DNAJC11: variants seen among roughly 807,000 people sequenced by gnomAD.
DNAJC11 encodes DnaJ heat shock protein family (Hsp40) member C11, also known as dnaJ homolog subfamily C member 11.
In DNAJC11, 15 loss-of-function variants were observed where a neutral mutation model predicts 78.6. The ratio of observed to expected loss-of-function variants is 0.19; its 90% CI spans 0.13 to 0.29. The LOEUF (loss-of-function observed/expected upper bound fraction) is 0.29, where lower values mean the gene tolerates loss of function less well. DNAJC11 is among the 10% of genes least tolerant of loss of function. The pLI, the probability that DNAJC11 is intolerant of heterozygous loss-of-function variation, is 1.00. For missense variants in DNAJC11, 547 were observed against 709.6 expected, an observed-to-expected ratio of 0.77 and a Z score of 2.60; for synonymous variants, 292 against 272.1, an observed-to-expected ratio of 1.07 and a Z score of -0.72.
At chr1:6,656,651 G>A (rs1642130703) in intron 4 of DNAJC11, among the ~76,000 whole-genome samples, 1 of 151,632 alleles carries the variant, frequency 6.6e-6, no homozygotes, top group Non-Finnish European at 1.5e-5. Flanking sequence ...GGCTGAGGTG[G>A]AGGGATTGCT....
chr1:6,641,391 ATAT>A (rs1205701571), intron 10 of DNAJC11, among the ~76,000 whole-genome samples: 1 of 127,870 alleles, frequency 7.8e-6, no homozygotes, highest in African/African-American at 3.0e-5. Context: ...AAAAAAAAAA[ATAT>A]ATATATATAT....
Position 6,636,208 on chromosome 1 carries a change from T to C in DNAJC11, c.1563A>G (p.Glu521=). Residue 521 remains glutamate (E), a synonymous_variant, in exon 15 of 16, where the codon GAA becomes GAG. Transcript: ENST00000377577. The part of the protein sequence containing the change: ...LPGFYDPCVG[E]EKNLKVLYQF... ...GATAGAGCACTTTCAGGTTCTTCTCTTCCCCCACACACGGGTCATAAAAGC... is the reference window on the plus strand; with the variant it reads ...GATAGAGCACTTTCAGGTTCTTCTCCTCCCCCACACACGGGTCATAAAAGC... 6.2e-7 allele frequency: 1 copy of C among 1,614,104 alleles called. No individual in the cohort carries two copies. Among genetic ancestry groups the C allele is most frequent in the Non-Finnish European group, 8.5e-7 (1 of 1,180,020 alleles).
chr1:6,673,960 C>T (rs771395089), intron 3 of DNAJC11, among the ~76,000 whole-genome samples: 5 of 152,112 alleles, frequency 3.3e-5, no homozygotes, highest in Admixed American at 2.0e-4. Flanking sequence ...TGATCTGGGC[C>T]GAAGGATGCA....
chr1:6,668,034 GTTTTCA>G lies in DNAJC11; in HGVS notation c.277-230_277-225del, dbSNP rs569858786. On this transcript the variant is annotated intron_variant, in intron 3 of 15. Coordinates refer to ENST00000377577, the MANE Select transcript of DNAJC11 (RefSeq NM_018198.4). Reference sequence around the variant, plus strand: ...CTGGCCCTTCCCAAGGTTGAAATGAGTTTTCACTCAGCTCTCCAGAGTGACTTAAAC... The same window carrying G: ...CTGGCCCTTCCCAAGGTTGAAATGAGCTCAGCTCTCCAGAGTGACTTAAAC... 200 of 525,788 alleles carry G rather than the reference GTTTTCA, an allele frequency of 3.8e-4. 3 individuals carry two copies. The South Asian group carries it at 5.8e-3, about 15-fold the overall frequency. The allele number at this position is 525,788 out of a possible 1,614,324, so 32.6% of individuals were successfully genotyped here.
intron 4 of DNAJC11, among the ~76,000 whole-genome samples, chr1:6,662,393 C>T (rs1378428350): frequency 2.6e-5 from 4 of 152,012 alleles, no homozygotes; most frequent in Non-Finnish European, 5.9e-5. Flanking sequence ...GGGGTTTCAC[C>T]ATGTTGGTCA....
intron 1 of DNAJC11, 61 bp downstream of exon 1, chr1:6,701,668 C>T (rs1642931694): frequency 1.4e-6 from 2 of 1,466,412 alleles, no homozygotes; most frequent in African/African-American, 1.5e-5. Flanking sequence ...ACCGCCAGCC[C>T]GGCCCTCCCG....
At chr1:6,649,181 A>G (rs1392464381) in intron 7 of DNAJC11, among the ~76,000 whole-genome samples, 3 of 146,774 alleles carry the variant, frequency 2.0e-5, no homozygotes, top group African/African-American at 5.0e-5. Context: ...GTCTGGAAGC[A>G]CTGCTTTTTT....
chr1:6,647,423 G>A (rs1304248567), intron 7 of DNAJC11, among the ~76,000 whole-genome samples: 5 of 152,136 alleles, frequency 3.3e-5, no homozygotes, highest in Non-Finnish European at 7.3e-5. Flanking sequence ...TTATTCGGCC[G>A]TAACTCCATC....
chr1:6,684,572 T>C (rs1202684382), intron 1 of DNAJC11, among the ~76,000 whole-genome samples: 2 of 152,228 alleles, frequency 1.3e-5, no homozygotes, highest in Non-Finnish European at 2.9e-5. Flanking sequence ...ATAAATGGCT[T>C]AATATGCTAT....
intron 1 of DNAJC11, among the ~76,000 whole-genome samples, chr1:6,682,325 A>G (rs1642567630): frequency 6.6e-6 from 1 of 152,124 alleles, no homozygotes; most frequent in African/African-American, 2.4e-5. Context: ...TATTTTCTAC[A>G]GGATTAAGTT....
At chr1:6,663,920 C>T (rs1483829823) in intron 4 of DNAJC11, among the ~76,000 whole-genome samples, 1 of 152,186 alleles carries the variant, frequency 6.6e-6, no homozygotes, top group Non-Finnish European at 1.5e-5. Flanking sequence ...TGATCAAGGG[C>T]ACAGACAGGA....
At chr1:6,637,603 C>G in intron 12 of DNAJC11, 99 bp from the exon 13 acceptor site, 1 of 1,370,650 alleles carries the variant, frequency 7.3e-7, no homozygotes, top group Non-Finnish European at 1.0e-6. Flanking sequence ...CGTCAACATA[C>G]TTGCTCAGGG....
At chr1:6,663,510 C>T (rs968535844) in intron 4 of DNAJC11, among the ~76,000 whole-genome samples, 1 of 152,180 alleles carries the variant, frequency 6.6e-6, no homozygotes, top group Non-Finnish European at 1.5e-5. Flanking sequence ...CAACACAGAA[C>T]GACACTGTTA....
At chr1:6,667,205 G>A (rs1366721890) in intron 4 of DNAJC11, among the ~76,000 whole-genome samples, 3 of 152,200 alleles carry the variant, frequency 2.0e-5, no homozygotes, top group Non-Finnish European at 4.4e-5. Flanking sequence ...GGTGATGTGA[G>A]CAGGGACTTC....
rs993817494 is a variant in DNAJC11, at chr1:6,677,465, A to T, written c.276+929T>A. ...GCGCCACCAAGCCCGACTAATTTTT[A>T]AAAAAATGTTTTGTAGAGACAGGGT... On this transcript the variant is annotated intron_variant, in intron 3 of 15. Transcript: ENST00000377577. Among the ~76,000 whole-genome samples the T allele has an allele frequency of 9.9e-5, 15 of 151,724 alleles. No individual in the cohort carries two copies. In the South Asian group the frequency reaches 1.7e-3, roughly 17 times the overall value.
chr1:6,644,933 ACACACGTAGATATT>A, intron 9 of DNAJC11, 94 bp downstream of exon 9: 1 of 1,082,662 alleles, frequency 9.2e-7, no homozygotes, highest in South Asian at 1.3e-5. Context: ...AAAATGTCAC[ACACACGTAGATATT>A]CACACGAGCA....
At position 6,651,555 on chromosome 1, in the gene DNAJC11, C is replaced by G. The variant is rs776603495; in HGVS notation, c.678G>C (p.Lys226Asn). 2 of 1,614,162 alleles carry G rather than the reference C, an allele frequency of 1.2e-6. No individual in the cohort carries two copies. The highest frequency in any genetic ancestry group is 1.7e-6 in the Non-Finnish European group (2 of 1,180,014). The change falls in exon 7 of 16, where the codon AAG becomes AAC. Residue 226 changes from lysine to asparagine, a missense_variant. Transcript: ENST00000377577. ...GDLQGPLFGLKLFRNLTPRCF... is the reference protein window; with the variant it reads ...GDLQGPLFGLNLFRNLTPRCF... ...ATCTTGGTGTGAGATTACGGAACAG[C>G]TTGAGACCGAACAAAGGCCCCTGTA...
chr1:6,637,976 C>G (rs997468242), intron 12 of DNAJC11: 1 of 392,004 alleles, frequency 2.6e-6, no homozygotes, highest in Non-Finnish European at 4.6e-6. Context: ...GCGCACACGG[C>G]CCATGGCCAC....
At chr1:6,647,130 G>C (rs1641978559) in intron 7 of DNAJC11, among the ~76,000 whole-genome samples, 1 of 145,380 alleles carries the variant, frequency 6.9e-6, no homozygotes, top group African/African-American at 2.6e-5. Flanking sequence ...CCAGGCTGGA[G>C]TGCAGTAGCG....
Sources: gnomAD v4.1 joint callset for allele counts (sites outside exome capture counted in the v4.1 genomes callset) on GRCh38, gnomAD v4.1.1 for gene constraint, MANE v1.5 for transcripts, NCBI Gene and HGNC (gene_info 2026-07-23, HGNC 2026-07-21) for gene names.